TOX: variants seen among roughly 807,000 people sequenced by gnomAD.
TOX encodes thymocyte selection-associated high mobility group box protein TOX.
TOX carries 11 observed loss-of-function variants against 53.7 expected under a neutral mutation model. That is an observed-to-expected ratio of 0.20 (90% CI 0.13 to 0.34). The LOEUF is 0.34. Ranked by LOEUF, TOX falls within the 10% of genes least tolerant of loss-of-function variation. The pLI, the probability that TOX is intolerant of heterozygous loss-of-function variation, is 1.00. For synonymous variants in TOX, 225 were observed against 245.3 expected (o/e 0.92, Z 0.77); for missense variants, 570 against 664.6 (o/e 0.86, Z 1.56).
At chr8:59,097,339 G>A (rs752623268) in intron 1 of TOX, among the ~76,000 whole-genome samples, 1 of 152,138 alleles carries the variant, frequency 6.6e-6, no homozygotes, top group Non-Finnish European at 1.5e-5. Context: ...CTCCGGCAGG[G>A]TCTACGCCAC....
chr8:58,908,718 T>A (rs1216379459), intron 3 of TOX, among the ~76,000 whole-genome samples: 5 of 152,210 alleles, frequency 3.3e-5, no homozygotes, highest in African/African-American at 1.2e-4. Flanking sequence ...CAAGAGCCAA[T>A]GTCTAGCTTA....
intron 3 of TOX, among the ~76,000 whole-genome samples, chr8:58,873,958 C>CCCTTTTTTTTTT (rs1811239401): frequency 2.5e-5 from 1 of 40,128 alleles, no homozygotes; most frequent in Non-Finnish European, 3.9e-5. Flanking sequence ...TGCCAGGAAG[C>CCCTTTTTTTTTT]TTTTTTTTTT....
At chr8:58,817,526 C>A (rs16918743) in intron 6 of TOX, among the ~76,000 whole-genome samples, 3 of 152,076 alleles carry the variant, frequency 2.0e-5, no homozygotes, top group Non-Finnish European at 4.4e-5. Context: ...GTGACTACTT[C>A]CACATCAGAA....
intron 3 of TOX, among the ~76,000 whole-genome samples, chr8:58,875,452 T>A (rs1811267397): frequency 6.6e-6 from 1 of 152,178 alleles, no homozygotes; most frequent in African/African-American, 2.4e-5. Context: ...TCATTAAGTT[T>A]TTCAAAGATG....
At chr8:59,082,904 T>G (rs1354418164) in intron 1 of TOX, among the ~76,000 whole-genome samples, 1 of 152,222 alleles carries the variant, frequency 6.6e-6, no homozygotes, top group Non-Finnish European at 1.5e-5. Flanking sequence ...GCACCGTATA[T>G]TTATCCAATT....
chr8:58,984,501 T>G (rs1443688236), intron 1 of TOX, among the ~76,000 whole-genome samples: 1 of 151,970 alleles, frequency 6.6e-6, no homozygotes, highest in Non-Finnish European at 1.5e-5. Context: ...TCATAAAAAT[T>G]GACTAAAAAG....
chr8:58,906,865 G>A (rs1364662925), intron 3 of TOX, among the ~76,000 whole-genome samples: 1 of 152,146 alleles, frequency 6.6e-6, no homozygotes, highest in African/African-American at 2.4e-5. Context: ...ATTTGCTTAT[G>A]TCCCTCTCTC....
At chr8:58,912,292 A>C (rs1485318951) in intron 3 of TOX, among the ~76,000 whole-genome samples, 1 of 152,232 alleles carries the variant, frequency 6.6e-6, no homozygotes, top group Non-Finnish European at 1.5e-5. Flanking sequence ...GGCATAAGGA[A>C]ATACACTAAG....
In TOX at chr8:58,851,189, A is replaced by T. The variant is rs6991891; in HGVS notation, c.693+335T>A. ...CTCTCTCTCTCTCTCTCTCTCTCAC[A>T]CACACACACACACACACACACACGA... is the stretch of plus-strand genomic sequence containing the variant. On this transcript the variant is annotated intron_variant, in intron 4 of 8. Transcript: ENST00000361421. The surrounding 1 kb of genome is among the most constrained non-coding windows in gnomAD (Gnocchi z 4.4). Among the ~76,000 whole-genome samples the T allele has an allele frequency of 0.34, 43,669 of 127,718 alleles. 7,116 individuals are homozygous for T. The highest frequency in any genetic ancestry group is 0.43 in the African/African-American group (13,224 of 30,454). The allele number at this position is 127,718 out of a possible 152,430, so 83.8% of individuals were successfully genotyped here. A position where few individuals can be genotyped will look rare whatever the true frequency, so the allele number is the denominator to read the frequency against.
chr8:58,858,681 G>A lies in TOX; in HGVS notation c.412-6876C>T, dbSNP rs561921042. On this transcript the variant is annotated intron_variant, in intron 3 of 8. Transcript: ENST00000361421. ...TCAGCATTTGACACCCTGAGCTGTG[G>A]AGTGCTTTCCCCAGGGCAATAAGGA... Among the ~76,000 whole-genome samples, 4 of 152,292 alleles carry A rather than the reference G, an allele frequency of 2.6e-5. No homozygotes were observed. The South Asian group carries it at 6.2e-4, about 24-fold the overall frequency.
chr8:58,919,195 G>GA (rs1376038987), intron 3 of TOX, among the ~76,000 whole-genome samples: 3 of 149,640 alleles, frequency 2.0e-5, no homozygotes, highest in Non-Finnish European at 4.4e-5. Context: ...CACAGAATTG[G>GA]AAAAAACTAC....
chr8:58,984,770 A>T (rs1341017248), intron 1 of TOX, among the ~76,000 whole-genome samples: 4 of 135,086 alleles, frequency 3.0e-5, no homozygotes, highest in Non-Finnish European at 6.2e-5. Flanking sequence ...GCGACAGAGC[A>T]AGACTCCGTC....
At chr8:58,959,865 G>T in intron 2 of TOX, 78 bp downstream of exon 2, 1 of 1,399,086 alleles carries the variant, frequency 7.1e-7, no homozygotes, top group Non-Finnish European at 1.0e-6. Flanking sequence ...TACTGATAGT[G>T]CTACTCATTT....
chr8:58,925,100 C>T (rs1224013274), intron 3 of TOX, among the ~76,000 whole-genome samples: 6 of 152,194 alleles, frequency 3.9e-5, no homozygotes, highest in African/African-American at 1.4e-4. Context: ...ATTCACGCCA[C>T]AGCTTCTATG....
At chr8:58,837,626 C>T (rs374861005) in intron 5 of TOX, among the ~76,000 whole-genome samples, 2 of 152,086 alleles carry the variant, frequency 1.3e-5, no homozygotes, top group South Asian at 2.1e-4. Context: ...CAGCCCCTGG[C>T]GGTCTTTAAG....
At chr8:58,983,559 G>A (rs924753175) in intron 1 of TOX, among the ~76,000 whole-genome samples, 4 of 152,142 alleles carry the variant, frequency 2.6e-5, no homozygotes, top group African/African-American at 9.7e-5. Flanking sequence ...ACACATCTAC[G>A]ATGGTTGTTA....
intron 3 of TOX, among the ~76,000 whole-genome samples, chr8:58,889,847 G>C (rs2129171758): frequency 6.6e-6 from 1 of 152,126 alleles, no homozygotes; most frequent in East Asian, 1.9e-4. Context: ...TGCATTATTA[G>C]TTGCCAAGAG....
chr8:59,032,129 T>TG (rs1465187504), intron 1 of TOX, among the ~76,000 whole-genome samples: 1 of 151,988 alleles, frequency 6.6e-6, no homozygotes, highest in Admixed American at 6.6e-5. Context: ...ATATCAGAAA[T>TG]GGAGAGGAAG....
chr8:59,099,506 A>C (rs1328838808), intron 1 of TOX, among the ~76,000 whole-genome samples: 1 of 152,094 alleles, frequency 6.6e-6, no homozygotes. Context: ...ACATTTAAGC[A>C]CTGTGAAAAA....
Sources: gnomAD v4.1 joint callset for allele counts (sites outside exome capture counted in the v4.1 genomes callset) on GRCh38, gnomAD v4.1.1 for gene constraint, Gnocchi (gnomAD v3.1) non-coding constraint, MANE v1.5 for transcripts, NCBI Gene and HGNC (gene_info 2026-07-23, HGNC 2026-07-21) for gene names.